The following STARD13 variants were observed in gnomAD, a reference collection of about 807,000 sequenced individuals.
STARD13 encodes the protein StAR related lipid transfer domain containing 13.
A neutral mutation model predicts 106.4 loss-of-function variants in STARD13; 62 were observed. The ratio of observed to expected loss-of-function variants is 0.58; its 90% CI spans 0.48 to 0.72. The LOEUF (loss-of-function observed/expected upper bound fraction) is 0.72. STARD13 is among the 30% of genes least tolerant of loss of function. The pLI is 0.00. For missense variants in STARD13, 1,387 were observed against 1,424.0 expected, an observed-to-expected ratio of 0.97 and a Z score of 0.42; for synonymous variants, 565 against 553.0, an observed-to-expected ratio of 1.02 and a Z score of -0.31.
rs374550618 is a variant in STARD13 at position 33,112,716 on chromosome 13, C to G, written c.2492+5G>C. On this transcript the variant is annotated splice_donor_5th_base_variant and intron_variant, in intron 9 of 13. Transcript: ENST00000336934. Reference sequence around the variant, plus strand: ...TTACTGTTGTTACTGAGAAAAAAAACCCACCGTGGAGAGCTTTCTTTCTTC... The same window carrying G: ...TTACTGTTGTTACTGAGAAAAAAAAGCCACCGTGGAGAGCTTTCTTTCTTC... 6.4e-7 allele frequency: 1 copy of G among 1,564,444 alleles called. No individual in the cohort carries two copies. Among genetic ancestry groups the G allele is most frequent in the Non-Finnish European group, 8.6e-7 (1 of 1,156,682 alleles).
At chr13:33,410,565 C>G in the STARD13 span, among the ~76,000 whole-genome samples, 1 of 152,192 alleles carries the variant, frequency 6.6e-6, no homozygotes, top group Non-Finnish European at 1.5e-5. Flanking sequence ...ACCCAGAGTG[C>G]CTGACCTCTT....
intron 1 of STARD13, chr13:33,276,352 T>A (rs1891432611): frequency 6.6e-6 from 1 of 152,180 alleles, no homozygotes; most frequent in Non-Finnish European, 1.5e-5. Flanking sequence ...TAGTGGGAAA[T>A]GTGTTGTGTC....
At chr13:33,195,805 A>G (rs1399962589) in intron 1 of STARD13, among the ~76,000 whole-genome samples, 1 of 152,198 alleles carries the variant, frequency 6.6e-6, no homozygotes, top group East Asian at 1.9e-4. Context: ...AAGCAATGCC[A>G]ACTTGTACAA....
chr13:33,669,442 A>C, the STARD13 span, among the ~76,000 whole-genome samples: 1 of 151,548 alleles, frequency 6.6e-6, no homozygotes. Context: ...CACCATCGCC[A>C]GTGGTCCTTT....
At chr13:33,309,765 A>G (rs533868824) in intron 1 of STARD13, among the ~76,000 whole-genome samples, 5 of 152,340 alleles carry the variant, frequency 3.3e-5, no homozygotes, top group African/African-American at 1.2e-4. Flanking sequence ...AGACAGCAGG[A>G]AATACTGATA....
At chr13:33,242,811 T>C (rs951990291) in intron 1 of STARD13, among the ~76,000 whole-genome samples, 1 of 152,170 alleles carries the variant, frequency 6.6e-6, no homozygotes, top group Non-Finnish European at 1.5e-5. Context: ...GTTAAAACTA[T>C]TTTCAAAACA....
the STARD13 span, among the ~76,000 whole-genome samples, chr13:33,618,569 T>C: frequency 1.1e-4 from 16 of 151,082 alleles, no homozygotes; most frequent in South Asian, 2.7e-3. Context: ...GAGCCAGATA[T>C]TGAGGATACA....
chr13:33,543,393 C>G, the STARD13 span, among the ~76,000 whole-genome samples: 130 of 152,206 alleles, frequency 8.5e-4, 2 homozygotes, highest in African/African-American at 2.9e-3. Context: ...AATGTAGATT[C>G]GTTTGCATGT....
chr13:33,115,169 T>C (rs542582), intron 8 of STARD13, among the ~76,000 whole-genome samples: 34,738 of 152,092 alleles, frequency 0.23, 4,258 homozygotes, highest in East Asian at 0.32. Flanking sequence ...ATATTTTCAT[T>C]ACCCATCCAA....
chr13:33,490,440 C>G, the STARD13 span, among the ~76,000 whole-genome samples: 1 of 152,136 alleles, frequency 6.6e-6, no homozygotes, highest in African/African-American at 2.4e-5. Flanking sequence ...CAGAGCAGAC[C>G]AGCAGGTGAG....
At chr13:33,329,946 C>T (rs560078105) in intron 1 of STARD13, among the ~76,000 whole-genome samples, 25 of 152,226 alleles carry the variant, frequency 1.6e-4, no homozygotes, top group East Asian at 1.2e-3. Context: ...TCAAGTGATC[C>T]GCCCCCATCA....
chr13:33,273,801 T>C (rs1053222521), intron 1 of STARD13: 1 of 152,190 alleles, frequency 6.6e-6, no homozygotes, highest in Non-Finnish European at 1.5e-5. Context: ...TCCACAAAGA[T>C]ATGTAAAACT....
chr13:33,587,232 A>AAT, the STARD13 span, among the ~76,000 whole-genome samples: 72 of 151,310 alleles, frequency 4.8e-4, no homozygotes, highest in Admixed American at 2.0e-3. Context: ...AAAAAAAAAA[A>AAT]ATTCTCTTAG....
intron 1 of STARD13, among the ~76,000 whole-genome samples, chr13:33,222,129 C>T (rs1326640004): frequency 6.6e-6 from 1 of 151,838 alleles, no homozygotes; most frequent in African/African-American, 2.4e-5. Flanking sequence ...AGCCTGGCAA[C>T]AGAGCGAGAC....
the STARD13 span, among the ~76,000 whole-genome samples, chr13:33,635,453 A>C: frequency 6.6e-6 from 1 of 151,646 alleles, no homozygotes; most frequent in Admixed American, 6.6e-5. Context: ...AGGTCAGGAG[A>C]TCGAGACCAT....
At chr13:33,365,021 G>C in the STARD13 span, among the ~76,000 whole-genome samples, 2 of 152,182 alleles carry the variant, frequency 1.3e-5, no homozygotes, top group South Asian at 4.1e-4. Context: ...CAGAAACTGC[G>C]GGAATTTACT....
At chr13:33,543,858 C>T in the STARD13 span, among the ~76,000 whole-genome samples, 1 of 152,176 alleles carries the variant, frequency 6.6e-6, no homozygotes, top group Non-Finnish European at 1.5e-5. Context: ...GTCAATAATG[C>T]TTTTTGCTGT....
At chr13:33,660,898 C>T in the STARD13 span, among the ~76,000 whole-genome samples, 2 of 152,112 alleles carry the variant, frequency 1.3e-5, no homozygotes, top group Non-Finnish European at 2.9e-5. Context: ...CTGTTAGATT[C>T]CTAATGGTTT....
intron 1 of STARD13, among the ~76,000 whole-genome samples, chr13:33,261,023 T>G (rs576753948): frequency 6.6e-6 from 1 of 152,328 alleles, no homozygotes; most frequent in South Asian, 2.1e-4. Context: ...GATCTAGTCA[T>G]CTCTCAATTT....
Sources: allele counts gnomAD v4.1 joint callset (sites outside exome capture counted in the v4.1 genomes callset), GRCh38; gene constraint gnomAD v4.1.1; transcripts MANE v1.5; gene names NCBI Gene and HGNC (gene_info 2026-07-23, HGNC 2026-07-21).